Variants in CCSER1 observed in about 807,000 individuals in gnomAD.
CCSER1 encodes coiled-coil serine rich protein 1.
In CCSER1, 41 loss-of-function variants were observed where a neutral mutation model predicts 82.0. That is an observed-to-expected ratio of 0.50 (90% CI 0.39 to 0.65). CCSER1 has a LOEUF of 0.65. Ranked by LOEUF, CCSER1 falls within the 30% of genes least tolerant of loss-of-function variation. The pLI is 0.00. For missense variants in CCSER1, 1,119 were observed against 1,064.2 expected (o/e 1.05, Z -0.72); for synonymous variants, 414 against 383.9 (o/e 1.08, Z -0.92).
chr4:91,327,645 G>A (rs1746664804), intron 10 of CCSER1, among the ~76,000 whole-genome samples: 1 of 152,166 alleles, frequency 6.6e-6, no homozygotes, highest in African/African-American at 2.4e-5. Context: ...TTTCTCCTGA[G>A]AAAATAGCTT....
intron 8 of CCSER1, among the ~76,000 whole-genome samples, chr4:90,833,728 C>T (rs1457352553): frequency 6.6e-6 from 1 of 152,116 alleles, no homozygotes; most frequent in African/African-American, 2.4e-5. Context: ...AACCCTTTTC[C>T]TGTGGCTTGA....
intron 10 of CCSER1, among the ~76,000 whole-genome samples, chr4:91,165,143 G>A (rs1364831340): frequency 2.6e-5 from 4 of 152,164 alleles, no homozygotes; most frequent in African/African-American, 9.7e-5. Context: ...TGTTGATCTT[G>A]ATGCTATTCC....
chr4:91,324,291 C>G (rs534356574), intron 10 of CCSER1, among the ~76,000 whole-genome samples: 3 of 152,124 alleles, frequency 2.0e-5, no homozygotes, highest in East Asian at 1.9e-4. Context: ...AAACATCAGT[C>G]TTTCGGGTCT....
At chr4:90,861,580 C>T (rs1027297334) in intron 8 of CCSER1, among the ~76,000 whole-genome samples, 2 of 151,526 alleles carry the variant, frequency 1.3e-5, no homozygotes, top group East Asian at 1.9e-4. Context: ...TTGCTTTTAA[C>T]GAATTAGTAA....
At chr4:90,290,194 G>A (rs1730646052) in intron 1 of CCSER1, among the ~76,000 whole-genome samples, 1 of 151,780 alleles carries the variant, frequency 6.6e-6, no homozygotes, top group Non-Finnish European at 1.5e-5. Flanking sequence ...AGTCTGGAAT[G>A]TTAACCCATA....
At chr4:91,015,276 A>G (rs1020503182) in intron 9 of CCSER1, 1 of 152,094 alleles carries the variant, frequency 6.6e-6, no homozygotes, top group African/African-American at 2.4e-5. Flanking sequence ...GGTTATATCA[A>G]AAAAGTAATA....
intron 6 of CCSER1, 78 bp downstream of exon 6, chr4:90,628,310 T>C (rs1723706567): frequency 9.0e-7 from 1 of 1,106,904 alleles, no homozygotes; most frequent in Non-Finnish European, 1.4e-6. Flanking sequence ...GACCCTGCTC[T>C]GTCAGTAATT....
chr4:90,300,707 G>A (rs1257401702), intron 1 of CCSER1, among the ~76,000 whole-genome samples: 5 of 152,186 alleles, frequency 3.3e-5, no homozygotes, highest in Admixed American at 1.3e-4. Context: ...CCTTTTACCT[G>A]TACAGACAGA....
chr4:90,365,753 G>A (rs755861101), intron 3 of CCSER1, among the ~76,000 whole-genome samples: 1 of 151,842 alleles, frequency 6.6e-6, no homozygotes, highest in Non-Finnish European at 1.5e-5. Context: ...AGGTGATTTC[G>A]TCTTTTAAAC....
intron 1 of CCSER1, among the ~76,000 whole-genome samples, chr4:90,296,996 G>C (rs1416951424): frequency 1.3e-5 from 2 of 152,102 alleles, no homozygotes; most frequent in African/African-American, 4.8e-5. Context: ...GTTTCCATAT[G>C]AACTTTAAAG....
At chr4:90,490,277 G>T (rs1453249810) in intron 5 of CCSER1, among the ~76,000 whole-genome samples, 1 of 152,180 alleles carries the variant, frequency 6.6e-6, no homozygotes, top group Non-Finnish European at 1.5e-5. Flanking sequence ...GGTCGGTGAT[G>T]ATGAGCATTT....
chr4:90,329,183 C>T (rs866816171), intron 3 of CCSER1, among the ~76,000 whole-genome samples: 2 of 151,988 alleles, frequency 1.3e-5, no homozygotes, highest in Admixed American at 6.6e-5. Flanking sequence ...ACTTTTTTGT[C>T]AGTTAGATGT....
intron 5 of CCSER1, among the ~76,000 whole-genome samples, chr4:90,596,708 TA>T (rs543696058): frequency 6.7e-6 from 1 of 149,104 alleles, no homozygotes; most frequent in Non-Finnish European, 1.5e-5. Context: ...CTAAACCAGA[TA>T]TTTTTTTACC....
At chr4:91,165,840 G>C (rs1383813377) in intron 10 of CCSER1, among the ~76,000 whole-genome samples, 1 of 152,170 alleles carries the variant, frequency 6.6e-6, no homozygotes, top group Non-Finnish European at 1.5e-5. Flanking sequence ...ATCTGTCATG[G>C]CTTCCCTTGG....
At chr4:91,224,678 A>G (rs1419170821) in intron 10 of CCSER1, among the ~76,000 whole-genome samples, 5 of 152,140 alleles carry the variant, frequency 3.3e-5, no homozygotes, top group Non-Finnish European at 7.4e-5. Context: ...GTAAGTTTTG[A>G]ACATTACATT....
intron 1 of CCSER1, among the ~76,000 whole-genome samples, chr4:90,260,780 A>G (rs781684225): frequency 2.6e-5 from 4 of 152,328 alleles, no homozygotes; most frequent in Non-Finnish European, 4.4e-5. Flanking sequence ...CAATGGCACT[A>G]TTTTGGCTCA....
At chr4:91,523,187 C>T (rs1463824421) in intron 10 of CCSER1, among the ~76,000 whole-genome samples, 1 of 152,120 alleles carries the variant, frequency 6.6e-6, no homozygotes, top group Non-Finnish European at 1.5e-5. Context: ...TATTGATTTG[C>T]ATATGTTGAA....
intron 3 of CCSER1, among the ~76,000 whole-genome samples, chr4:90,343,813 C>T (rs888425977): frequency 1.2e-4 from 19 of 152,202 alleles, no homozygotes; most frequent in East Asian, 5.8e-4. Flanking sequence ...TTCATACAGG[C>T]ATGCAATGTG....
intron 5 of CCSER1, among the ~76,000 whole-genome samples, chr4:90,492,568 A>C (rs1008042807): frequency 1.3e-5 from 2 of 151,990 alleles, no homozygotes; most frequent in Non-Finnish European, 2.9e-5. Context: ...TAGCTTTTGA[A>C]TGTGTTTACT....
Sources: gnomAD v4.1 joint callset for allele counts (sites outside exome capture counted in the v4.1 genomes callset) on GRCh38, gnomAD v4.1.1 for gene constraint, MANE v1.5 for transcripts, NCBI Gene and HGNC (gene_info 2026-07-23, HGNC 2026-07-21) for gene names.